The following OTUB2 variants were observed in gnomAD, a reference collection of about 807,000 sequenced individuals.
The protein encoded by OTUB2 is OTU deubiquitinase, ubiquitin aldehyde binding 2, also known as ubiquitin thioesterase OTUB2.
In OTUB2, 21 loss-of-function variants were observed where a neutral mutation model predicts 25.1. The ratio of observed to expected loss-of-function variants is 0.84; its 90% CI spans 0.59 to 1.21. The LOEUF (loss-of-function observed/expected upper bound fraction) is 1.21, where lower values mean the gene tolerates loss of function less well. Among genes scored for constraint, OTUB2 ranks in the 50% most tolerant of loss-of-function variants. OTUB2 has a pLI of 0.00. For missense variants in OTUB2, 283 were observed against 298.0 expected, an observed-to-expected ratio of 0.95 and a Z score of 0.37; for synonymous variants, 122 against 122.8, an observed-to-expected ratio of 0.99 and a Z score of 0.04.
intron 1 of OTUB2, among the ~76,000 whole-genome samples, chr14:94,033,148 G>A (rs1180718802): frequency 6.6e-6 from 1 of 152,068 alleles, no homozygotes; most frequent in East Asian, 1.9e-4. Flanking sequence ...CTGACCTCGT[G>A]ATCCGCCCGC....
At chr14:94,029,302 A>G (rs1017660307) in intron 1 of OTUB2, among the ~76,000 whole-genome samples, 4 of 152,196 alleles carry the variant, frequency 2.6e-5, no homozygotes, top group African/African-American at 9.7e-5. Flanking sequence ...CCAGGCTGCC[A>G]TAACAAAGTA....
In OTUB2 at chr14:94,043,852, T is replaced by C. The variant is rs1885208439; in HGVS notation, c.219-119T>C. The C allele has an allele frequency of 3.4e-6, 3 of 876,518 alleles. No homozygotes were observed. The South Asian group carries it at 4.3e-5, about 12-fold the overall frequency. 54.3% of individuals were successfully genotyped at this position (876,518 alleles called of 1,614,324 possible). A position where few individuals can be genotyped will look rare whatever the true frequency, so the allele number is the denominator to read the frequency against. On this transcript the variant is annotated intron_variant, in intron 3 of 5. Transcript: ENST00000203664. ...TGTTGGGGGCAGGGGCGGGAGGTTC[T>C]GCGGCTGGACTAGAGATGAGGTTGG...
intron 1 of OTUB2, among the ~76,000 whole-genome samples, chr14:94,027,498 G>C (rs1182558382): frequency 6.6e-6 from 1 of 152,190 alleles, no homozygotes; most frequent in East Asian, 1.9e-4. Context: ...AAGCGAAGAG[G>C]CTTTGGTTGG....
chr14:94,046,078 G>C lies in OTUB2; in HGVS notation c.*156G>C. On this transcript the variant is annotated 3_prime_UTR_variant, in exon 6 of 6. Transcript: ENST00000203664. ...CTGGGAACGAGGCCTATCCACTATG[G>C]ACTATGGTAACTTGGTAGGATTTTT... 2.7e-6 allele frequency: 2 copies of C among 733,974 alleles called. No individual in the cohort carries two copies. The highest frequency in any genetic ancestry group is 4.4e-6 in the Non-Finnish European group (2 of 450,232). 45.5% of individuals were successfully genotyped at this position (733,974 alleles called of 1,614,324 possible). A position where few individuals can be genotyped will look rare whatever the true frequency, so the allele number is the denominator to read the frequency against.
chr14:94,048,366 G>C lies in OTUB2; in HGVS notation c.*2444G>C, dbSNP rs1885320452. 1 of 152,242 alleles carries C rather than the reference G, an allele frequency of 6.6e-6. No individual in the cohort carries two copies. The highest frequency in any genetic ancestry group is 1.5e-5 in the Non-Finnish European group (1 of 68,052). The allele number at this position is 152,242 out of a possible 1,614,324, so 9.4% of individuals were successfully genotyped here. A position where few individuals can be genotyped will look rare whatever the true frequency, so the allele number is the denominator to read the frequency against. ...AAATCAATGGGAACAATTAGCAACA[G>C]AAAGAGCACAGTCCCTGCTTTTGAC... On this transcript the variant is annotated 3_prime_UTR_variant, in exon 6 of 6. Coordinates refer to ENST00000203664, the MANE Select transcript of OTUB2 (RefSeq NM_023112.4).
Position 94,047,615 on chromosome 14 carries a change from A to C in OTUB2, c.*1693A>C, listed in dbSNP as rs1885304719. The C allele has an allele frequency of 1.3e-5, 2 of 152,402 alleles. No homozygotes were observed. The highest frequency in any genetic ancestry group is 2.9e-5 in the Non-Finnish European group (2 of 68,064). The allele number at this position is 152,402 out of a possible 1,614,324, so 9.4% of individuals were successfully genotyped here. The stretch of plus-strand genomic sequence containing the variant: ...GTGAATATCATCATCTTTGCCAGAC[A>C]AGTCTCCAGGGGATCCCTGTTTCCC... On this transcript the variant is annotated 3_prime_UTR_variant, in exon 6 of 6. Transcript: ENST00000203664.
intron 2 of OTUB2, among the ~76,000 whole-genome samples, chr14:94,038,549 A>ACCCCTCCCG (rs1205409600): frequency 2.0e-5 from 2 of 101,876 alleles, no homozygotes; most frequent in Non-Finnish European, 4.1e-5. Flanking sequence ...GCTGGAGCCC[A>ACCCCTCCCG]CCCCTCCCGC....
intron 3 of OTUB2, among the ~76,000 whole-genome samples, chr14:94,041,132 G>A (rs1224337420): frequency 6.6e-6 from 1 of 152,230 alleles, no homozygotes; most frequent in African/African-American, 2.4e-5. Context: ...AAGTGGGCAG[G>A]TCTAGACACC....
At chr14:94,038,413 G>T (rs10142179) in intron 2 of OTUB2, among the ~76,000 whole-genome samples, 9,458 of 152,264 alleles carry the variant, frequency 0.062, 929 homozygotes, top group African/African-American at 0.21. Flanking sequence ...GCTATGGGGG[G>T]AACAGGAACT....
intron 1 of OTUB2, among the ~76,000 whole-genome samples, chr14:94,027,914 G>A (rs1884893456): frequency 6.6e-6 from 1 of 152,242 alleles, no homozygotes; most frequent in African/African-American, 2.4e-5. Flanking sequence ...CAGCCCAGGT[G>A]TTTCTGCATC....
chr14:94,037,848 A>G (rs915077901), intron 2 of OTUB2, among the ~76,000 whole-genome samples: 1 of 152,250 alleles, frequency 6.6e-6, no homozygotes, highest in Non-Finnish European at 1.5e-5. Flanking sequence ...AAACCCAGGC[A>G]GCTGAGTCTC....
intron 3 of OTUB2, among the ~76,000 whole-genome samples, chr14:94,042,574 C>T (rs113003983): frequency 3.9e-5 from 6 of 152,118 alleles, no homozygotes; most frequent in Admixed American, 3.3e-4. Context: ...AAGAGGGTGC[C>T]GGCCCTTGGA....
chr14:94,039,158 CGT>C, intron 3 of OTUB2, 77 bp downstream of exon 3: 2 of 1,162,650 alleles, frequency 1.7e-6, no homozygotes, highest in Admixed American at 2.0e-5. Context: ...CGGAGGTTTT[CGT>C]TACACTCAGG....
At chr14:94,042,044 T>C (rs941852004) in intron 3 of OTUB2, among the ~76,000 whole-genome samples, 2 of 151,864 alleles carry the variant, frequency 1.3e-5, no homozygotes, top group African/African-American at 4.8e-5. Flanking sequence ...TGTTCTCTGC[T>C]CAGTGCTGCT....
At chr14:94,045,295 C>T (rs139405530) in intron 5 of OTUB2, among the ~76,000 whole-genome samples, 165 of 152,202 alleles carry the variant, frequency 1.1e-3, no homozygotes, top group Middle Eastern at 3.4e-3. Context: ...CTGCAGCACC[C>T]GGACTCGCAC....
intron 2 of OTUB2, 67 bp from the exon 3 acceptor site, chr14:94,038,896 C>T (rs931401265): frequency 4.7e-5 from 66 of 1,418,822 alleles, no homozygotes; most frequent in Middle Eastern, 1.7e-4. Flanking sequence ...CCTGGCCAGT[C>T]CCAGTGCCCA....
intron 3 of OTUB2, among the ~76,000 whole-genome samples, chr14:94,041,736 C>G (rs550033831): frequency 6.6e-6 from 1 of 152,314 alleles, no homozygotes; most frequent in East Asian, 1.9e-4. Context: ...CTACACACAC[C>G]AGAGCTTGCA....
At position 94,026,552 on chromosome 14, in the gene OTUB2, T is replaced by G; in HGVS notation, c.3+12T>G. On this transcript the variant is annotated intron_variant, in intron 1 of 5. Transcript: ENST00000203664. ...CTCTGGTCACTATGGTCAGTGATCG[T>G]GGGGGATCGCGAAGGGGGAGCGGGC... 1 of 1,096,334 alleles carries G rather than the reference T, an allele frequency of 9.1e-7. No homozygotes were observed. Among genetic ancestry groups the G allele is most frequent in the South Asian group, 4.0e-5 (1 of 24,772 alleles). The allele number at this position is 1,096,334 out of a possible 1,614,324, so 67.9% of individuals were successfully genotyped here. A position where few individuals can be genotyped will look rare whatever the true frequency, so the allele number is the denominator to read the frequency against.
rs765553031 is a variant in OTUB2 at position 94,044,649 on chromosome 14, A to C, written c.367A>C (p.Asn123His). 1 of 1,614,182 alleles carries C rather than the reference A, an allele frequency of 6.2e-7. No individual in the cohort carries two copies. The highest frequency in any genetic ancestry group is 1.1e-5 in the South Asian group (1 of 91,080). ...AGTGTCCAGCCTGCTGAAGGTGTTC[A>C]ACGACCAGAGTGCCTCGGACCACAT... The part of the protein sequence containing the change: ...GSVSSLLKVF[N>H]DQSASDHIVQ... The change falls in exon 5 of 6, where the codon AAC (asparagine) becomes CAC (histidine). Residue 123 changes from asparagine (N) to histidine (H), a missense_variant. Transcript: ENST00000203664.
Sources: gnomAD v4.1 joint callset for allele counts (sites outside exome capture counted in the v4.1 genomes callset) on GRCh38, gnomAD v4.1.1 for gene constraint, MANE v1.5 for transcripts, NCBI Gene and HGNC (gene_info 2026-07-23, HGNC 2026-07-21) for gene names.